The following AFAP1L1 variants were observed in gnomAD, a reference collection of about 807,000 sequenced individuals.
AFAP1L1 encodes actin filament-associated protein 1-like 1.
A neutral mutation model predicts 99.8 loss-of-function variants in AFAP1L1; 77 were observed. The observed-to-expected ratio is 0.77, with a 90% CI of 0.64 to 0.93. The LOEUF (loss-of-function observed/expected upper bound fraction) is 0.93. Ranked by LOEUF, AFAP1L1 falls within the 40% of genes least tolerant of loss-of-function variation. AFAP1L1 has a pLI of 0.00. For missense variants in AFAP1L1, 893 were observed against 996.8 expected (o/e 0.90, Z 1.40); for synonymous variants, 373 against 395.3 (o/e 0.94, Z 0.67).
chr5:149,283,251 T>C (rs1264199502), intron 1 of AFAP1L1, among the ~76,000 whole-genome samples: 1 of 152,220 alleles, frequency 6.6e-6, no homozygotes, highest in Non-Finnish European at 1.5e-5. Flanking sequence ...GGAGAAAGCC[T>C]GTCCATTGGC....
At chr5:149,295,107 C>T (rs940441590) in intron 1 of AFAP1L1, among the ~76,000 whole-genome samples, 1 of 152,242 alleles carries the variant, frequency 6.6e-6, no homozygotes, top group Admixed American at 6.5e-5. Flanking sequence ...TCCCCTCCCT[C>T]TGCCCCTGCT....
In AFAP1L1 at chr5:149,299,503, C is replaced by T. The variant is rs1333938008; in HGVS notation, c.17-6C>T. 6.2e-7 allele frequency: 1 copy of T among 1,613,896 alleles called. No homozygotes were observed. The highest frequency in any genetic ancestry group is 1.3e-5 in the African/African-American group (1 of 74,926). ...TGTGACTGTGCCCGTCTGCCTTCCT[C>T]CGCAGTGCTGGAGCAGCTGCTCCCA... On this transcript the variant is annotated splice_region_variant and splice_polypyrimidine_tract_variant and intron_variant, in intron 1 of 18. Transcript: ENST00000296721.
rs1470031041 is a variant in AFAP1L1, at chr5:149,341,243, A to C, written c.*1213A>C. 1 of 152,228 alleles carries C rather than the reference A, an allele frequency of 6.6e-6. No individual in the cohort carries two copies. Among genetic ancestry groups the C allele is most frequent in the Non-Finnish European group, 1.5e-5 (1 of 68,042 alleles). The allele number at this position is 152,228 out of a possible 1,614,324, so 9.4% of individuals were successfully genotyped here. Reference sequence around the variant, plus strand: ...CTATAGGGGTTACATATTTTAACCCACCTAAGGTTTTACAGACTTTAGCCT... The same window carrying C: ...CTATAGGGGTTACATATTTTAACCCCCCTAAGGTTTTACAGACTTTAGCCT... On this transcript the variant is annotated 3_prime_UTR_variant, in exon 19 of 19. Transcript: ENST00000296721.
intron 8 of AFAP1L1, among the ~76,000 whole-genome samples, chr5:149,310,868 A>G (rs1254588054): frequency 6.6e-6 from 1 of 152,198 alleles, no homozygotes; most frequent in African/African-American, 2.4e-5. Flanking sequence ...ACTGGAGTGC[A>G]AGCCCCAGGC....
At position 149,279,656 on chromosome 5, in the gene AFAP1L1, C is replaced by G. The variant is rs187272142; in HGVS notation, c.16+7672C>G. Among the ~76,000 whole-genome samples, 9 of 152,270 alleles carry G rather than the reference C, an allele frequency of 5.9e-5. No individual in the cohort carries two copies. In the East Asian group the frequency reaches 1.7e-3, roughly 29 times the overall value. On this transcript the variant is annotated intron_variant, in intron 1 of 18. Coordinates refer to ENST00000296721, the MANE Select transcript of AFAP1L1 (RefSeq NM_152406.4). ...TGGTTTCTCATTGTTTATAAAACAT[C>G]AGCTACTGTCCTTGTGGTGCCTCAG...
chr5:149,339,840 A>G (rs1262760441), intron 18 of AFAP1L1, among the ~76,000 whole-genome samples, 167 bp from the exon 19 acceptor site: 1 of 152,198 alleles, frequency 6.6e-6, no homozygotes, highest in Non-Finnish European at 1.5e-5. Flanking sequence ...AGATACCAGC[A>G]TGGAGAAGTG....
chr5:149,292,065 G>T (rs1755876949), intron 1 of AFAP1L1, among the ~76,000 whole-genome samples: 3 of 152,224 alleles, frequency 2.0e-5, no homozygotes, highest in Admixed American at 6.5e-5. Context: ...TGCATTTAAT[G>T]AATTTGTAAT....
rs1421824892 is a variant in AFAP1L1 at position 149,328,092 on chromosome 5, G to T, written c.1811-1574G>T. ...TAAGAGAACCCCAGTAACATTAACA[G>T]CTGACTTCTCATCAGTAACAATGAA... On this transcript the variant is annotated intron_variant, in intron 15 of 18. Coordinates refer to ENST00000296721, the MANE Select transcript of AFAP1L1 (RefSeq NM_152406.4). Among the ~76,000 whole-genome samples, 3 of 152,272 alleles carry T rather than the reference G, an allele frequency of 2.0e-5. No homozygotes were observed. The East Asian group carries it at 5.8e-4, about 29-fold the overall frequency.
intron 1 of AFAP1L1, among the ~76,000 whole-genome samples, chr5:149,284,596 C>T (rs1755620886): frequency 6.6e-6 from 1 of 152,188 alleles, no homozygotes; most frequent in African/African-American, 2.4e-5. Flanking sequence ...CCTTGCCTGC[C>T]CATCCTGGGA....
chr5:149,309,535 A>G (rs1581320371), intron 7 of AFAP1L1, among the ~76,000 whole-genome samples: 1 of 152,316 alleles, frequency 6.6e-6, no homozygotes, highest in East Asian at 1.9e-4. Context: ...TCATTAAAAA[A>G]ATGGGGAAGT....
At chr5:149,317,340 T>A (rs181300639) in intron 11 of AFAP1L1, among the ~76,000 whole-genome samples, 39 of 152,342 alleles carry the variant, frequency 2.6e-4, no homozygotes, top group Non-Finnish European at 7.3e-5. Context: ...TAAGATTATG[T>A]GGGTGAGACA....
chr5:149,291,538 AAAAAAAAAAAAAG>A (rs1472425240), intron 1 of AFAP1L1, among the ~76,000 whole-genome samples: 25 of 143,850 alleles, frequency 1.7e-4, no homozygotes, highest in South Asian at 1.4e-3. Flanking sequence ...AAAAAAAAAA[AAAAAAAAAAAAAG>A]AAAGAAAGAA....
intron 1 of AFAP1L1, among the ~76,000 whole-genome samples, chr5:149,289,493 G>T (rs983385479): frequency 6.6e-6 from 1 of 151,622 alleles, no homozygotes; most frequent in African/African-American, 2.4e-5. Flanking sequence ...TTTCCAGCCC[G>T]CATGTACAGT....
Position 149,272,650 on chromosome 5 carries a change from G to C in AFAP1L1, c.16+666G>C, listed in dbSNP as rs139392908. On this transcript the variant is annotated intron_variant, in intron 1 of 18. Transcript: ENST00000296721. ...GAGGGGACTTACTGAAATTGAGATTGACATAAGCCGAGAGGGCAGCATTCG... is the reference window on the plus strand; with the variant it reads ...GAGGGGACTTACTGAAATTGAGATTCACATAAGCCGAGAGGGCAGCATTCG... 3.9e-3 allele frequency among the ~76,000 whole-genome samples: 600 copies of C among 152,304 alleles called. 6 individuals are homozygous for C. Among genetic ancestry groups the C allele is most frequent in the African/African-American group, 0.013 (545 of 41,560 alleles).
At chr5:149,308,007 A>G (rs1756487668) in intron 7 of AFAP1L1, among the ~76,000 whole-genome samples, 1 of 151,888 alleles carries the variant, frequency 6.6e-6, no homozygotes, top group South Asian at 2.1e-4. Context: ...AATACAAAAA[A>G]TTAGCCAGGT....
At chr5:149,329,633 C>T (rs770232045) in intron 15 of AFAP1L1, 33 bp from the exon 16 acceptor site, 13 of 1,591,656 alleles carry the variant, frequency 8.2e-6, no homozygotes, top group Non-Finnish European at 1.0e-5. Context: ...GAGGTCAGAA[C>T]TGAGGGCCTT....
At chr5:149,307,025 C>A (rs1446725052) in intron 6 of AFAP1L1, among the ~76,000 whole-genome samples, 1 of 151,826 alleles carries the variant, frequency 6.6e-6, no homozygotes, top group East Asian at 1.9e-4. Flanking sequence ...GGCAGGTGGA[C>A]CCCCTGAGGT....
At position 149,302,471 on chromosome 5, in the gene AFAP1L1, T is replaced by C. The variant is rs1421570667; in HGVS notation, c.381T>C (p.Tyr127=). The change falls in exon 5 of 19, where the codon TAT becomes TAC. Residue 127 remains tyrosine (Y), a synonymous_variant. Transcript: ENST00000296721. ...LPNKPPPEDY[Y]EEALPLGPGK... Reference sequence around the variant, plus strand: ...ACAAGCCTCCCCCTGAGGACTACTATGAAGAGGCCCTTCCTCTGGGACCCG... The same window carrying C: ...ACAAGCCTCCCCCTGAGGACTACTACGAAGAGGCCCTTCCTCTGGGACCCG... The C allele has an allele frequency of 6.3e-7, 1 of 1,597,790 alleles. No homozygotes were observed. Among genetic ancestry groups the C allele is most frequent in the Admixed American group, 1.7e-5 (1 of 57,716 alleles).
intron 15 of AFAP1L1, among the ~76,000 whole-genome samples, chr5:149,324,853 TC>T (rs929120933): frequency 2.0e-5 from 3 of 152,148 alleles, no homozygotes; most frequent in Non-Finnish European, 2.9e-5. Flanking sequence ...ACAGCTGGCT[TC>T]CCCCAGAGCA....
Sources: gnomAD v4.1 joint callset for allele counts (sites outside exome capture counted in the v4.1 genomes callset) on GRCh38, gnomAD v4.1.1 for gene constraint, MANE v1.5 for transcripts, NCBI Gene and HGNC (gene_info 2026-07-23, HGNC 2026-07-21) for gene names.